Variants in LNP1 observed in about 807,000 individuals in gnomAD.
LNP1 encodes the protein leukemia NUP98 fusion partner 1.
Under a neutral mutation model 14.5 loss-of-function variants are expected in LNP1, and 12 were observed. That is an observed-to-expected ratio of 0.83 (90% confidence interval 0.53 to 1.34). The LOEUF (loss-of-function observed/expected upper bound fraction) is 1.34, where lower values mean the gene tolerates loss of function less well. Among genes scored for constraint, LNP1 ranks in the 40% most tolerant of loss-of-function variants. The pLI, the probability that LNP1 is intolerant of heterozygous loss-of-function variation, is 0.00. For missense variants in LNP1, 198 were observed against 210.9 expected, an observed-to-expected ratio of 0.94 and a Z score of 0.38; for synonymous variants, 75 against 71.4, an observed-to-expected ratio of 1.05 and a Z score of -0.26.
At chr3:100,432,228 G>A (rs1402448405) in intron 2 of LNP1, among the ~76,000 whole-genome samples, 1 of 151,202 alleles carries the variant, frequency 6.6e-6, no homozygotes, top group South Asian at 2.1e-4. Flanking sequence ...ATTACATTAA[G>A]TATTATATGC....
chr3:100,453,620 T>A (rs539765059), intron 3 of LNP1, among the ~76,000 whole-genome samples: 1 of 151,978 alleles, frequency 6.6e-6, no homozygotes, highest in Admixed American at 6.6e-5. Context: ...TTTGTCTTTT[T>A]AAAAAAATAC....
chr3:100,444,730 G>T (rs968479446), intron 2 of LNP1, among the ~76,000 whole-genome samples: 4 of 152,098 alleles, frequency 2.6e-5, no homozygotes, highest in African/African-American at 9.7e-5. Flanking sequence ...TGAGATAGGA[G>T]ACTTAATTTT....
At chr3:100,442,494 G>T (rs1707353640) in intron 2 of LNP1, among the ~76,000 whole-genome samples, 1 of 152,166 alleles carries the variant, frequency 6.6e-6, no homozygotes, top group East Asian at 1.9e-4. Context: ...GTTTGATCTG[G>T]AAAGGCAGGA....
intron 1 of LNP1, among the ~76,000 whole-genome samples, chr3:100,419,101 G>C (rs1419461241): frequency 6.6e-6 from 1 of 152,106 alleles, no homozygotes; most frequent in Non-Finnish European, 1.5e-5. Context: ...GGGTCATCTT[G>C]TCACTTAGTT....
At chr3:100,433,778 T>C (rs555232421) in intron 2 of LNP1, among the ~76,000 whole-genome samples, 95 of 152,366 alleles carry the variant, frequency 6.2e-4, no homozygotes, top group African/African-American at 2.0e-3. Context: ...TGAGATGGTA[T>C]CTCATTGTGG....
intron 1 of LNP1, among the ~76,000 whole-genome samples, chr3:100,414,899 C>T (rs111346547): frequency 3.8e-3 from 573 of 152,084 alleles, no homozygotes; most frequent in African/African-American, 0.013. Flanking sequence ...TCTTGGAGAC[C>T]GTAGGATAAT....
At chr3:100,433,952 A>G (rs775339983) in intron 2 of LNP1, among the ~76,000 whole-genome samples, 11 of 152,108 alleles carry the variant, frequency 7.2e-5, no homozygotes, top group Non-Finnish European at 8.8e-5. Flanking sequence ...TTCATTGTAG[A>G]TTCTGGATAT....
At chr3:100,429,967 G>A in intron 2 of LNP1, 82 bp downstream of exon 2, 1 of 1,433,142 alleles carries the variant, frequency 7.0e-7, no homozygotes, top group Non-Finnish European at 9.4e-7. Flanking sequence ...AGGAATCTTT[G>A]GATATAAAGT....
chr3:100,430,786 G>C (rs998257699), intron 2 of LNP1, among the ~76,000 whole-genome samples: 6 of 152,200 alleles, frequency 3.9e-5, no homozygotes, highest in Non-Finnish European at 8.8e-5. Context: ...ACATATGAAA[G>C]TGTGTAAGGC....
intron 1 of LNP1, among the ~76,000 whole-genome samples, chr3:100,423,954 A>G (rs1176706848): frequency 6.6e-6 from 1 of 152,232 alleles, no homozygotes; most frequent in Admixed American, 6.5e-5. Context: ...AGGGCTCCCA[A>G]GAAAGCCCAG....
intron 1 of LNP1, among the ~76,000 whole-genome samples, chr3:100,403,952 T>C (rs561070158): frequency 6.6e-6 from 1 of 152,308 alleles, no homozygotes; most frequent in Admixed American, 6.5e-5. Context: ...TTGACTGGTG[T>C]CCAAACCTTC....
intron 2 of LNP1, among the ~76,000 whole-genome samples, chr3:100,449,498 A>G (rs1325594512): frequency 6.6e-6 from 1 of 152,190 alleles, no homozygotes; most frequent in Non-Finnish European, 1.5e-5. Context: ...GGGCTATTAT[A>G]TACTATTTTA....
intron 2 of LNP1, among the ~76,000 whole-genome samples, chr3:100,442,557 T>C (rs571976030): frequency 6.6e-6 from 1 of 152,220 alleles, no homozygotes; most frequent in East Asian, 1.9e-4. Context: ...TTCCAGGTTA[T>C]GGGTAGATAA....
chr3:100,433,718 C>A (rs1004815566), intron 2 of LNP1, among the ~76,000 whole-genome samples: 1 of 152,190 alleles, frequency 6.6e-6, no homozygotes, highest in Non-Finnish European at 1.5e-5. Context: ...CACAGCCTTG[C>A]CAGCATCTAT....
chr3:100,426,655 C>T (rs1046596680), intron 1 of LNP1, among the ~76,000 whole-genome samples: 3 of 152,090 alleles, frequency 2.0e-5, no homozygotes, highest in Non-Finnish European at 2.9e-5. Flanking sequence ...GTGTTTTTTC[C>T]AGTGGAGATG....
chr3:100,442,832 G>A (rs1707357124), intron 2 of LNP1, among the ~76,000 whole-genome samples: 1 of 152,070 alleles, frequency 6.6e-6, no homozygotes, highest in Admixed American at 6.6e-5. Context: ...CTGGTCTCAG[G>A]TTTCATCTGA....
At chr3:100,412,793 A>C (rs777819279) in intron 1 of LNP1, among the ~76,000 whole-genome samples, 2 of 152,164 alleles carry the variant, frequency 1.3e-5, no homozygotes, top group African/African-American at 2.4e-5. Context: ...TCTGCTGCCT[A>C]TGCTCAATTC....
rs1388180974 is a variant in LNP1 at position 100,401,598 on chromosome 3, T to C, written c.-875T>C. The C allele has an allele frequency of 6.6e-6, 1 of 152,370 alleles. No individual in the cohort carries two copies. Among genetic ancestry groups the C allele is most frequent in the Non-Finnish European group, 1.5e-5 (1 of 68,114 alleles). 9.4% of individuals were successfully genotyped at this position (152,370 alleles called of 1,614,324 possible). A position where few individuals can be genotyped will look rare whatever the true frequency, so the allele number is the denominator to read the frequency against. On this transcript the variant is annotated 5_prime_UTR_variant, in exon 1 of 4. Transcript: ENST00000383693. Reference sequence around the variant, plus strand: ...AACCTCTGTGGCCGTTAGCACGGTTTTCTGCCCGCGTGCCCGAGAAACCAA... The same window carrying C: ...AACCTCTGTGGCCGTTAGCACGGTTCTCTGCCCGCGTGCCCGAGAAACCAA...
chr3:100,447,371 T>C (rs567826924), intron 2 of LNP1, among the ~76,000 whole-genome samples: 3 of 152,238 alleles, frequency 2.0e-5, no homozygotes, highest in South Asian at 4.2e-4. Flanking sequence ...ACACCGCATG[T>C]TCTCACTCAT....
Sources: gnomAD v4.1 joint callset for allele counts (sites outside exome capture counted in the v4.1 genomes callset) on GRCh38, gnomAD v4.1.1 for gene constraint, MANE v1.5 for transcripts, NCBI Gene and HGNC (gene_info 2026-07-23, HGNC 2026-07-21) for gene names.